Variants in BTBD9 observed in about 807,000 individuals in gnomAD.
BTBD9 encodes the protein BTB domain containing 9, also known as BTB/POZ domain-containing protein 9.
Under a neutral mutation model 64.3 loss-of-function variants are expected in BTBD9, and 49 were observed. The ratio of observed to expected loss-of-function variants is 0.76; its 90% CI spans 0.61 to 0.97. The LOEUF (loss-of-function observed/expected upper bound fraction) is 0.97. BTBD9 is among the 50% of genes least tolerant of loss of function. The pLI is 0.00. For synonymous variants in BTBD9, 260 were observed against 274.7 expected (o/e 0.95, Z 0.53); for missense variants, 598 against 762.1 (o/e 0.78, Z 2.53).
chr6:38,496,389 C>T (rs1228366069), intron 6 of BTBD9, among the ~76,000 whole-genome samples: 2 of 152,018 alleles, frequency 1.3e-5, no homozygotes, highest in Admixed American at 6.6e-5. Context: ...ACACCTGTAA[C>T]CATAGTACTT....
In BTBD9 at chr6:38,175,002, TG is replaced by T. The variant is rs775501464; in HGVS notation, c.1821del (p.Asn608ThrfsTer140). Reference protein sequence around the residue: ...PSSPGSNSRSPNRQHQ With the variant: ...PSSPGSNSRSXNRQHQ Reference sequence around the variant, plus strand: ...TGCCTCCTTTATTGGTGCTGCCGGTTGGGGGAGCGTGAGTTGGAGCCTGGGC... The same window carrying T: ...TGCCTCCTTTATTGGTGCTGCCGGTTGGGGAGCGTGAGTTGGAGCCTGGGC... On this transcript the variant is annotated frameshift_variant, in exon 11 of 11. Transcript: ENST00000481247. LOFTEE classifies it high-confidence loss of function. The T allele has an allele frequency of 1.9e-6, 3 of 1,613,992 alleles. No homozygotes were observed. Among genetic ancestry groups the T allele is most frequent in the Non-Finnish European group, 2.5e-6 (3 of 1,180,020 alleles).
chr6:38,299,960 AG>A lies in BTBD9; in HGVS notation c.1265-11500del, dbSNP rs1180052359. 3.9e-5 allele frequency among the ~76,000 whole-genome samples: 6 copies of A among 152,234 alleles called. No individual in the cohort carries two copies. The South Asian group carries it at 8.3e-4, about 21-fold the overall frequency. ...GCCTATGTCCTGAATGGTATTGCCT[AG>A]GTTTTCTTCTAGGGTTTTTATGATT... On this transcript the variant is annotated intron_variant, in intron 7 of 10. Coordinates refer to ENST00000481247, the MANE Select transcript of BTBD9 (RefSeq NM_001099272.2).
At chr6:38,482,931 A>G (rs1771226287) in intron 6 of BTBD9, among the ~76,000 whole-genome samples, 1 of 152,132 alleles carries the variant, frequency 6.6e-6, no homozygotes, top group Non-Finnish European at 1.5e-5. Flanking sequence ...CTGTTACAGG[A>G]AAAGAAGGAA....
intron 7 of BTBD9, among the ~76,000 whole-genome samples, chr6:38,289,570 C>T (rs1761879947): frequency 6.6e-6 from 1 of 152,104 alleles, no homozygotes; most frequent in Non-Finnish European, 1.5e-5. Context: ...TTTTGAAACT[C>T]ACATAATAGG....
intron 1 of BTBD9, among the ~76,000 whole-genome samples, chr6:38,602,133 A>C (rs1303958338): frequency 6.6e-6 from 1 of 152,196 alleles, no homozygotes; most frequent in Non-Finnish European, 1.5e-5. Context: ...TTGTAAGTCT[A>C]GGAGCATCAT....
chr6:38,540,706 T>TA (rs1385500119), intron 6 of BTBD9, among the ~76,000 whole-genome samples: 2 of 152,168 alleles, frequency 1.3e-5, no homozygotes, highest in African/African-American at 4.8e-5. Flanking sequence ...ATTTATAGAA[T>TA]AAAAAGTCTG....
chr6:38,568,010 AC>A (rs569135421), intron 6 of BTBD9, among the ~76,000 whole-genome samples: 108 of 152,322 alleles, frequency 7.1e-4, no homozygotes, highest in African/African-American at 2.4e-3. Context: ...ATGAGCCACT[AC>A]CACCAAAGGA....
intron 6 of BTBD9, among the ~76,000 whole-genome samples, chr6:38,441,711 C>T (rs1483961612): frequency 6.6e-6 from 1 of 152,154 alleles, no homozygotes; most frequent in Non-Finnish European, 1.5e-5. Flanking sequence ...GCCACCACAC[C>T]CAGCCTCTGA....
intron 9 of BTBD9, among the ~76,000 whole-genome samples, chr6:38,224,678 A>G (rs893590990): frequency 7.2e-5 from 11 of 152,262 alleles, no homozygotes; most frequent in African/African-American, 2.4e-4. Flanking sequence ...AGAATGATCC[A>G]TTATTGAGTC....
At chr6:38,372,629 C>T (rs959919996) in intron 6 of BTBD9, among the ~76,000 whole-genome samples, 4 of 152,178 alleles carry the variant, frequency 2.6e-5, no homozygotes, top group African/African-American at 9.7e-5. Context: ...ATGTTCTTGT[C>T]GTTTTCAGCA....
intron 7 of BTBD9, among the ~76,000 whole-genome samples, chr6:38,319,967 G>A (rs757014284): frequency 6.6e-5 from 10 of 152,122 alleles, no homozygotes; most frequent in Admixed American, 1.3e-4. Flanking sequence ...CTCAAGTTCC[G>A]ACTGCTGGGA....
At chr6:38,380,655 C>G (rs949916566) in intron 6 of BTBD9, among the ~76,000 whole-genome samples, 1 of 152,124 alleles carries the variant, frequency 6.6e-6, no homozygotes, top group Non-Finnish European at 1.5e-5. Flanking sequence ...CACAGCAAGA[C>G]CCTGTCTCTA....
At chr6:38,401,113 T>C (rs895454131) in intron 6 of BTBD9, among the ~76,000 whole-genome samples, 1 of 152,184 alleles carries the variant, frequency 6.6e-6, no homozygotes, top group African/African-American at 2.4e-5. Context: ...AAATCTCATC[T>C]CGAATTGTAA....
In BTBD9 at chr6:38,465,707, TTATATATATATATATATA is replaced by T. The variant is rs1157324453; in HGVS notation, c.1154+111875_1154+111892del. Among the ~76,000 whole-genome samples the T allele has an allele frequency of 3.8e-3, 179 of 46,844 alleles. 1 individual carries two copies. Among genetic ancestry groups the T allele is most frequent in the Middle Eastern group, 0.032 (3 of 94 alleles). The allele number at this position is 46,844 out of a possible 152,430, so 30.7% of individuals were successfully genotyped here. A position where few individuals can be genotyped will look rare whatever the true frequency, so the allele number is the denominator to read the frequency against. On this transcript the variant is annotated intron_variant, in intron 6 of 10. Transcript: ENST00000481247. ...ATCTCTAAATAAATAAATAAATAAATTATATATATATATATATATATATATATATATATATATATATAT... is the reference window on the plus strand; with the variant it reads ...ATCTCTAAATAAATAAATAAATAAATTATATATATATATATATATATATAT...
chr6:38,469,349 C>T (rs947559850), intron 6 of BTBD9, among the ~76,000 whole-genome samples: 3 of 135,802 alleles, frequency 2.2e-5, no homozygotes, highest in East Asian at 2.2e-4. Flanking sequence ...GAGACAGTCT[C>T]GCTCTGTCGC....
intron 6 of BTBD9, among the ~76,000 whole-genome samples, chr6:38,500,186 C>G (rs953199931): frequency 2.7e-5 from 4 of 150,288 alleles, no homozygotes; most frequent in African/African-American, 9.8e-5. Context: ...GTCTCCAGAG[C>G]CAAAGGCAAA....
At chr6:38,406,671 G>A (rs1230254491) in intron 6 of BTBD9, among the ~76,000 whole-genome samples, 3 of 152,174 alleles carry the variant, frequency 2.0e-5, no homozygotes, top group Non-Finnish European at 2.9e-5. Flanking sequence ...ATTTCTACAG[G>A]TATCGTGTCA....
intron 1 of BTBD9, among the ~76,000 whole-genome samples, chr6:38,612,472 A>G (rs1777643276): frequency 1.3e-5 from 2 of 152,184 alleles, no homozygotes; most frequent in East Asian, 1.9e-4. Flanking sequence ...TTCTCCAAAC[A>G]CTCCCTTCGC....
intron 9 of BTBD9, among the ~76,000 whole-genome samples, chr6:38,239,989 T>G (rs1473798535): frequency 6.6e-6 from 1 of 152,226 alleles, no homozygotes; most frequent in African/African-American, 2.4e-5. Flanking sequence ...AGCCTCCCGA[T>G]AGCCAAGGTT....
Sources: allele counts gnomAD v4.1 joint callset (sites outside exome capture counted in the v4.1 genomes callset), GRCh38; gene constraint gnomAD v4.1.1; transcripts MANE v1.5; gene names NCBI Gene and HGNC (gene_info 2026-07-23, HGNC 2026-07-21).